The following CTNNA3 variants were observed in gnomAD, a reference collection of about 807,000 sequenced individuals.
CTNNA3 encodes the protein catenin alpha-3.
Under a neutral mutation model 95.7 loss-of-function variants are expected in CTNNA3, and 76 were observed. That is an observed-to-expected ratio of 0.79 (90% CI 0.66 to 0.96). CTNNA3 has a LOEUF of 0.96. Among genes scored for constraint, CTNNA3 ranks in the 40% least tolerant of loss-of-function variants. The probability of loss-of-function intolerance (pLI) is 0.00; values close to 1 mark genes in which losing one functional copy is unlikely to be tolerated. For synonymous variants in CTNNA3, 431 were observed against 374.4 expected, an observed-to-expected ratio of 1.15 and a Z score of -1.74; for missense variants, 1,191 against 1,089.8, an observed-to-expected ratio of 1.09 and a Z score of -1.31.
chr10:66,883,588 T>C (rs190361111), intron 7 of CTNNA3, among the ~76,000 whole-genome samples: 116 of 152,280 alleles, frequency 7.6e-4, no homozygotes, highest in African/African-American at 2.3e-3. Context: ...GCAAGGTAGA[T>C]ACCAAAATGC....
At chr10:66,305,377 C>T (rs2091918209) in intron 12 of CTNNA3, among the ~76,000 whole-genome samples, 1 of 152,034 alleles carries the variant, frequency 6.6e-6, no homozygotes, top group African/African-American at 2.4e-5. Flanking sequence ...CATAGGGACA[C>T]ATGAAAAACT....
chr10:66,550,511 T>C (rs2132105917), intron 10 of CTNNA3, among the ~76,000 whole-genome samples: 1 of 152,302 alleles, frequency 6.6e-6, no homozygotes, highest in Non-Finnish European at 1.5e-5. Context: ...ATATTTTCTA[T>C]GACTGCTTTC....
intron 3 of CTNNA3, among the ~76,000 whole-genome samples, chr10:67,593,509 T>C (rs181158074): frequency 2.6e-5 from 4 of 152,308 alleles, no homozygotes; most frequent in Non-Finnish European, 4.4e-5. Flanking sequence ...TATTTTGTAC[T>C]TTTTGTGGCT....
At chr10:66,920,508 T>C (rs2132598016) in intron 7 of CTNNA3, among the ~76,000 whole-genome samples, 1 of 152,360 alleles carries the variant, frequency 6.6e-6, no homozygotes, top group South Asian at 2.1e-4. Context: ...CTCTGTCTAG[T>C]TCATTTGAAT....
intron 7 of CTNNA3, among the ~76,000 whole-genome samples, chr10:66,786,136 G>A (rs1269926787): frequency 6.6e-6 from 1 of 152,130 alleles, no homozygotes. Flanking sequence ...CTGGGAGTGG[G>A]CAGAGCTCCC....
At chr10:66,735,438 T>C (rs915319598) in intron 9 of CTNNA3, among the ~76,000 whole-genome samples, 7 of 152,056 alleles carry the variant, frequency 4.6e-5, no homozygotes, top group Non-Finnish European at 8.8e-5. Flanking sequence ...AGGTAGTGTA[T>C]ATTTTCTCAG....
chr10:67,486,638 T>C (rs1050229990), intron 5 of CTNNA3, among the ~76,000 whole-genome samples: 1 of 152,140 alleles, frequency 6.6e-6, no homozygotes, highest in African/African-American at 2.4e-5. Flanking sequence ...CAGGAAATAA[T>C]AAGTAAAGTG....
At chr10:66,299,215 T>C (rs2091826571) in intron 12 of CTNNA3, among the ~76,000 whole-genome samples, 2 of 152,154 alleles carry the variant, frequency 1.3e-5, no homozygotes, top group African/African-American at 4.8e-5. Flanking sequence ...GTTCTCACCA[T>C]CTTAGATGCA....
At chr10:66,952,378 T>C (rs1291360258) in intron 7 of CTNNA3, among the ~76,000 whole-genome samples, 1 of 152,164 alleles carries the variant, frequency 6.6e-6, no homozygotes, top group Non-Finnish European at 1.5e-5. Flanking sequence ...AAATCAAATC[T>C]TCAGAGACAA....
intron 5 of CTNNA3, among the ~76,000 whole-genome samples, chr10:67,465,659 T>G (rs1273760103): frequency 6.6e-6 from 1 of 152,158 alleles, no homozygotes; most frequent in Non-Finnish European, 1.5e-5. Context: ...ATAACTCACA[T>G]GGAGGTCAAC....
chr10:67,283,732 C>A (rs1839488381), intron 5 of CTNNA3, among the ~76,000 whole-genome samples: 1 of 152,172 alleles, frequency 6.6e-6, no homozygotes, highest in Admixed American at 6.5e-5. Flanking sequence ...AACTTTCACT[C>A]CTCCTCCAAA....
At chr10:67,207,502 C>T (rs372382923) in intron 6 of CTNNA3, among the ~76,000 whole-genome samples, 4 of 152,152 alleles carry the variant, frequency 2.6e-5, no homozygotes, top group African/African-American at 9.7e-5. Context: ...TCCCCATGAA[C>T]TGTAGCTTAA....
intron 5 of CTNNA3, among the ~76,000 whole-genome samples, chr10:67,488,281 T>C (rs552386329): frequency 6.6e-6 from 1 of 152,198 alleles, no homozygotes; most frequent in East Asian, 1.9e-4. Context: ...ATGAAGACAT[T>C]GAAAGGAAAT....
At chr10:66,408,507 G>T (rs2093075320) in intron 11 of CTNNA3, among the ~76,000 whole-genome samples, 1 of 152,078 alleles carries the variant, frequency 6.6e-6, no homozygotes, top group Non-Finnish European at 1.5e-5. Context: ...ATTCTCTTCA[G>T]TATCCTTCTA....
At chr10:67,439,069 C>T (rs1461046441) in intron 5 of CTNNA3, among the ~76,000 whole-genome samples, 1 of 152,050 alleles carries the variant, frequency 6.6e-6, no homozygotes, top group East Asian at 1.9e-4. Flanking sequence ...GAGTGAAAAA[C>T]GGGGTGTTTT....
At chr10:66,104,265 A>G (rs941356752) in intron 13 of CTNNA3, among the ~76,000 whole-genome samples, 2 of 152,056 alleles carry the variant, frequency 1.3e-5, no homozygotes, top group African/African-American at 4.8e-5. Flanking sequence ...CCTCTACTTT[A>G]TCTGCCATAA....
intron 11 of CTNNA3, among the ~76,000 whole-genome samples, chr10:66,390,130 A>C (rs1032634188): frequency 2.6e-5 from 4 of 152,198 alleles, no homozygotes; most frequent in African/African-American, 9.6e-5. Flanking sequence ...AAAATGTTAA[A>C]TCACTGGCTT....
Position 67,009,977 on chromosome 10 carries a change from T to C in CTNNA3, c.1047+170340A>G, listed in dbSNP as rs533902784. 7.2e-5 allele frequency among the ~76,000 whole-genome samples: 11 copies of C among 152,300 alleles called. No individual in the cohort carries two copies. The South Asian group carries it at 2.3e-3, about 32-fold the overall frequency. The stretch of plus-strand genomic sequence containing the variant: ...AAGAACCCTGTCATTCTAGTATAGA[T>C]TCTTCTTCAGCTACCTGTCCTGGAG... On this transcript the variant is annotated intron_variant, in intron 7 of 17. Coordinates refer to ENST00000433211, the MANE Select transcript of CTNNA3 (RefSeq NM_013266.4).
chr10:67,311,659 T>A (rs915107897), intron 5 of CTNNA3, among the ~76,000 whole-genome samples: 1 of 151,092 alleles, frequency 6.6e-6, no homozygotes, highest in African/African-American at 2.4e-5. Flanking sequence ...AAATTGAATG[T>A]TTAGTAAAGC....
Sources: gnomAD v4.1 joint callset for allele counts (sites outside exome capture counted in the v4.1 genomes callset) on GRCh38, gnomAD v4.1.1 for gene constraint, MANE v1.5 for transcripts, NCBI Gene and HGNC (gene_info 2026-07-23, HGNC 2026-07-21) for gene names.